IKZF3: variants seen among roughly 807,000 people sequenced by gnomAD.
IKZF3 encodes the protein IKAROS family zinc finger 3, also known as zinc finger protein Aiolos.
Under a neutral mutation model 49.0 loss-of-function variants are expected in IKZF3, and 10 were observed. The ratio of observed to expected loss-of-function variants is 0.20; its 90% CI spans 0.13 to 0.35. The LOEUF (loss-of-function observed/expected upper bound fraction) is 0.35, where lower values mean the gene tolerates loss of function less well. Among genes scored for constraint, IKZF3 ranks in the 10% least tolerant of loss-of-function variants. IKZF3 has a pLI of 1.00. For missense variants in IKZF3, 498 were observed against 664.8 expected (o/e 0.75, Z 2.76); for synonymous variants, 209 against 228.2 (o/e 0.92, Z 0.76).
Position 39,777,771 on chromosome 17 carries a change from G to A in IKZF3, c.710-4C>T. The A allele has an allele frequency of 6.2e-7, 1 of 1,609,802 alleles. No individual in the cohort carries two copies. Among genetic ancestry groups the A allele is most frequent in the East Asian group, 2.2e-5 (1 of 44,786 alleles). On this transcript the variant is annotated splice_polypyrimidine_tract_variant and splice_region_variant and intron_variant, in intron 6 of 7. Coordinates refer to ENST00000346872, the MANE Select transcript of IKZF3 (RefSeq NM_012481.5). ...ATGTGTCTTGCCTCCGCACTTGCTA[G>A]TTTGGAAAAATGTAAAAAGAAGAGA...
Position 39,781,457 on chromosome 17 carries a change from T to A in IKZF3, c.710-3690A>T, listed in dbSNP as rs1397472804. On this transcript the variant is annotated intron_variant, in intron 6 of 7. Coordinates refer to ENST00000346872, the MANE Select transcript of IKZF3 (RefSeq NM_012481.5). ...AAAAGATTTATAGGGAAAAAAAGAA[T>A]GAAAAACAGTATTCTGGGAATGTTT... Among the ~76,000 whole-genome samples, 3 of 152,290 alleles carry A rather than the reference T, an allele frequency of 2.0e-5. No individual in the cohort carries two copies. In the East Asian group the frequency reaches 5.8e-4, roughly 29 times the overall value.
chr17:39,831,066 A>C (rs2144301364), intron 2 of IKZF3, among the ~76,000 whole-genome samples: 1 of 152,344 alleles, frequency 6.6e-6, no homozygotes, highest in Non-Finnish European at 1.5e-5. Flanking sequence ...TAAACAATTA[A>C]TATGAGATTT....
intron 1 of IKZF3, among the ~76,000 whole-genome samples, chr17:39,860,573 G>C (rs2063188281): frequency 6.6e-6 from 1 of 152,186 alleles, no homozygotes; most frequent in Admixed American, 6.5e-5. Flanking sequence ...CATGGATGCA[G>C]CTGGAGGCCA....
At chr17:39,791,698 G>C (rs1170275892) in intron 4 of IKZF3, 115 bp from the exon 5 acceptor site, 13 of 1,058,834 alleles carry the variant, frequency 1.2e-5, no homozygotes, top group Non-Finnish European at 9.7e-6. Context: ...TTCACATTGG[G>C]ATCAGTTGGG....
intron 1 of IKZF3, chr17:39,835,025 C>A: frequency 2.4e-6 from 1 of 410,048 alleles, no homozygotes; most frequent in South Asian, 1.9e-5. Flanking sequence ...TGATCTTCTT[C>A]ACAACCACAG....
At chr17:39,850,805 A>G (rs1275320200) in intron 1 of IKZF3, among the ~76,000 whole-genome samples, 1 of 126,666 alleles carries the variant, frequency 7.9e-6, no homozygotes, top group African/African-American at 3.2e-5. Flanking sequence ...TATGCTATAT[A>G]GTATATATAC....
At chr17:39,857,687 C>T (rs2063101035) in intron 1 of IKZF3, among the ~76,000 whole-genome samples, 2 of 152,054 alleles carry the variant, frequency 1.3e-5, no homozygotes, top group African/African-American at 4.8e-5. Flanking sequence ...ATTTTCCTTC[C>T]CCCCTTTACT....
At chr17:39,832,022 G>T in intron 2 of IKZF3, 76 bp downstream of exon 2, 1 of 1,088,468 alleles carries the variant, frequency 9.2e-7, no homozygotes. Context: ...ACTGCAACCA[G>T]AATAAGCACA....
chr17:39,780,139 G>T (rs982144288), intron 6 of IKZF3, among the ~76,000 whole-genome samples: 2 of 151,774 alleles, frequency 1.3e-5, no homozygotes, highest in African/African-American at 2.4e-5. Flanking sequence ...AGGGGTTTGA[G>T]GTTACGGTGA....
chr17:39,861,060 A>C (rs1598246145), intron 1 of IKZF3, among the ~76,000 whole-genome samples: 2 of 152,256 alleles, frequency 1.3e-5, no homozygotes, highest in East Asian at 3.8e-4. Context: ...AATAAACATA[A>C]TAAAAAGTAC....
intron 6 of IKZF3, among the ~76,000 whole-genome samples, chr17:39,778,711 G>A (rs1445447949): frequency 6.6e-6 from 1 of 152,238 alleles, no homozygotes; most frequent in African/African-American, 2.4e-5. Flanking sequence ...TGAGGCAGGA[G>A]AATCACTTGA....
chr17:39,839,929 A>G (rs2062416675), intron 1 of IKZF3, among the ~76,000 whole-genome samples: 1 of 152,094 alleles, frequency 6.6e-6, no homozygotes, highest in Non-Finnish European at 1.5e-5. Flanking sequence ...CCAAAGTGCT[A>G]GGGTTACAGA....
At chr17:39,850,111 T>A (rs1229939740) in intron 1 of IKZF3, among the ~76,000 whole-genome samples, 1 of 140,780 alleles carries the variant, frequency 7.1e-6, no homozygotes, top group Non-Finnish European at 1.5e-5. Context: ...TATATATGTA[T>A]ATATACTATA....
intron 6 of IKZF3, chr17:39,778,220 T>C: frequency 1.0e-6 from 1 of 981,442 alleles, no homozygotes; most frequent in Non-Finnish European, 1.2e-6. Flanking sequence ...ACAGCACTTT[T>C]GAAAATAGGT....
intron 3 of IKZF3, among the ~76,000 whole-genome samples, chr17:39,813,882 A>G (rs905829327): frequency 6.6e-6 from 1 of 152,244 alleles, no homozygotes; most frequent in Admixed American, 6.5e-5. Context: ...CTTTTGAAGC[A>G]TATATTTGCG....
chr17:39,857,962 T>TAA lies in IKZF3; in HGVS notation c.7+6156_7+6157dup, dbSNP rs35840686. ...TGTAGAGAGACCTCATCTCAAAAAT[T>TAA]AAAAAAAAAAAAAAAGAGAGAGAGA... On this transcript the variant is annotated intron_variant, in intron 1 of 7. Transcript: ENST00000346872. Among the ~76,000 whole-genome samples, 1,019 of 117,074 alleles carry TAA rather than the reference T, an allele frequency of 8.7e-3. 9 individuals are homozygous for TAA. The highest frequency in any genetic ancestry group is 0.03 in the African/African-American group (967 of 32,634). 76.8% of individuals were successfully genotyped at this position (117,074 alleles called of 152,430 possible). A position where few individuals can be genotyped will look rare whatever the true frequency, so the allele number is the denominator to read the frequency against.
At chr17:39,773,505 G>C (rs1470233097) in intron 7 of IKZF3, among the ~76,000 whole-genome samples, 1 of 152,186 alleles carries the variant, frequency 6.6e-6, no homozygotes, top group Admixed American at 6.5e-5. Flanking sequence ...AGATCCGATG[G>C]TTTGTTGAAG....
At chr17:39,857,692 T>A (rs890442539) in intron 1 of IKZF3, among the ~76,000 whole-genome samples, 3 of 152,164 alleles carry the variant, frequency 2.0e-5, no homozygotes, top group African/African-American at 7.2e-5. Context: ...CCTTCCCCCC[T>A]TTACTATAAA....
At chr17:39,845,546 A>G (rs543271521) in intron 1 of IKZF3, among the ~76,000 whole-genome samples, 202 of 151,476 alleles carry the variant, frequency 1.3e-3, no homozygotes, top group African/African-American at 4.8e-3. Flanking sequence ...AAAAAAAAAA[A>G]GGTTTTATTG....
Sources: gnomAD v4.1 joint callset for allele counts (sites outside exome capture counted in the v4.1 genomes callset) on GRCh38, gnomAD v4.1.1 for gene constraint, MANE v1.5 for transcripts, NCBI Gene and HGNC (gene_info 2026-07-23, HGNC 2026-07-21) for gene names.